The following TBC1D22A variants were observed in gnomAD, a reference collection of about 807,000 sequenced individuals.
TBC1D22A encodes the protein TBC1 domain family member 22A.
In TBC1D22A, 38 loss-of-function variants were observed where a neutral mutation model predicts 60.2. That is an observed-to-expected ratio of 0.63 (90% CI 0.49 to 0.83). TBC1D22A has a LOEUF of 0.83. TBC1D22A is among the 40% of genes least tolerant of loss of function. TBC1D22A has a pLI of 0.00. For missense variants in TBC1D22A, 628 were observed against 701.0 expected (o/e 0.90, Z 1.18); for synonymous variants, 302 against 281.7 (o/e 1.07, Z -0.72).
intron 8 of TBC1D22A, among the ~76,000 whole-genome samples, chr22:46,932,767 C>G (rs1433799613): frequency 3.6e-5 from 5 of 139,478 alleles, no homozygotes; most frequent in Non-Finnish European, 7.5e-5. Flanking sequence ...CCCTGTTGCC[C>G]AGGCTGAAGT....
rs142985876 is a variant in TBC1D22A at position 46,855,087 on chromosome 22, C to A, written c.638-23566C>A. Among the ~76,000 whole-genome samples the A allele has an allele frequency of 1.5e-3, 230 of 152,300 alleles. 1 individual carries two copies. Among genetic ancestry groups the A allele is most frequent in the Middle Eastern group, 0.01 (3 of 294 alleles). ...CTATGGGCCCAGTGCTACCAGGAAG[C>A]CTCCTCCACCTGTGCTACCCAAAGC... On this transcript the variant is annotated intron_variant, in intron 4 of 12. Coordinates refer to ENST00000337137, the MANE Select transcript of TBC1D22A (RefSeq NM_014346.5).
At chr22:46,839,474 C>A (rs1158760163) in intron 4 of TBC1D22A, among the ~76,000 whole-genome samples, 1 of 152,042 alleles carries the variant, frequency 6.6e-6, no homozygotes. Context: ...AAATATATCC[C>A]ATGTGTATGA....
Position 47,009,890 on chromosome 22 carries a change from G to C in TBC1D22A, c.1201+12181G>C, listed in dbSNP as rs114576336. Among the ~76,000 whole-genome samples the C allele has an allele frequency of 4.3e-3, 648 of 152,358 alleles. 9 individuals carry two copies. Among genetic ancestry groups the C allele is most frequent in the African/African-American group, 0.014 (602 of 41,584 alleles). ...GCCTGCTCCTGAGGCAGCCTCTTCT[G>C]TCCAGCCCCCAGGGAGGTTGGTTGG... On this transcript the variant is annotated intron_variant, in intron 10 of 12. Coordinates refer to ENST00000337137, the MANE Select transcript of TBC1D22A (RefSeq NM_014346.5). This position sits in a 1 kb window ranked among gnomAD's most constrained non-coding sequence, Gnocchi z 5.8.
At chr22:46,805,246 C>T (rs1323315373) in intron 4 of TBC1D22A, among the ~76,000 whole-genome samples, 1 of 152,226 alleles carries the variant, frequency 6.6e-6, no homozygotes, top group Non-Finnish European at 1.5e-5. Flanking sequence ...AGCGGTCAGT[C>T]TCCTTCTCTC....
intron 4 of TBC1D22A, among the ~76,000 whole-genome samples, chr22:46,854,150 C>T (rs572455215): frequency 2.0e-5 from 3 of 152,154 alleles, no homozygotes; most frequent in Non-Finnish European, 4.4e-5. Flanking sequence ...GCCCAGTGTC[C>T]GTGTCTTCCG....
At chr22:46,773,268 C>T (rs1224678015) in intron 1 of TBC1D22A, among the ~76,000 whole-genome samples, 1 of 152,222 alleles carries the variant, frequency 6.6e-6, no homozygotes, top group African/African-American at 2.4e-5. Context: ...TGGGGAATGT[C>T]ACCGTGCTTG....
In TBC1D22A at chr22:47,028,436, A is replaced by G. The variant is rs1460506155; in HGVS notation, c.1202-8635A>G. Reference sequence around the variant, plus strand: ...CCAGGTTCTGAGAGCGAGTGGTCGCATTCCTGTCCCTCGGTCCCTGTCCCC... The same window carrying G: ...CCAGGTTCTGAGAGCGAGTGGTCGCGTTCCTGTCCCTCGGTCCCTGTCCCC... On this transcript the variant is annotated intron_variant, in intron 10 of 12. Transcript: ENST00000337137. This position sits in a 1 kb window ranked among gnomAD's most constrained non-coding sequence, Gnocchi z 4.4. Among the ~76,000 whole-genome samples, 6 of 91,810 alleles carry G rather than the reference A, an allele frequency of 6.5e-5. No homozygotes were observed. Among genetic ancestry groups the G allele is most frequent in the African/African-American group, 2.9e-4 (5 of 17,048 alleles). 60.2% of individuals were successfully genotyped at this position (91,810 alleles called of 152,430 possible). A position where few individuals can be genotyped will look rare whatever the true frequency, so the allele number is the denominator to read the frequency against.
At chr22:46,814,744 T>G (rs914217992) in intron 4 of TBC1D22A, among the ~76,000 whole-genome samples, 4 of 151,982 alleles carry the variant, frequency 2.6e-5, no homozygotes, top group African/African-American at 9.7e-5. Flanking sequence ...CCTCACAGGT[T>G]CAAGCAATTC....
chr22:46,904,125 A>ATCTG, intron 7 of TBC1D22A, among the ~76,000 whole-genome samples: 1 of 89,346 alleles, frequency 1.1e-5, no homozygotes. Context: ...CTATCTATCT[A>ATCTG]TCTATCTATC....
chr22:46,901,633 A>G (rs2069001694), intron 7 of TBC1D22A, among the ~76,000 whole-genome samples: 1 of 152,132 alleles, frequency 6.6e-6, no homozygotes, highest in Non-Finnish European at 1.5e-5. Context: ...TATGTGATAT[A>G]TGGTTGCCTT....
intron 11 of TBC1D22A, among the ~76,000 whole-genome samples, chr22:47,098,648 A>C (rs973597106): frequency 6.6e-6 from 1 of 152,118 alleles, no homozygotes; most frequent in Admixed American, 6.5e-5. Context: ...GGGAAGGGCC[A>C]GGTGAGGCAT....
intron 4 of TBC1D22A, among the ~76,000 whole-genome samples, chr22:46,843,175 C>T (rs965842175): frequency 3.3e-5 from 5 of 152,196 alleles, no homozygotes; most frequent in African/African-American, 1.2e-4. Context: ...TTCTGCTGCT[C>T]GCCTTTAGCT....
At position 47,009,952 on chromosome 22, in the gene TBC1D22A, C is replaced by T. The variant is rs1279576873; in HGVS notation, c.1201+12243C>T. 6.6e-6 allele frequency among the ~76,000 whole-genome samples: 1 copy of T among 152,202 alleles called. No individual in the cohort carries two copies. Among genetic ancestry groups the T allele is most frequent in the South Asian group, 2.1e-4 (1 of 4,830 alleles). The stretch of plus-strand genomic sequence containing the variant: ...CTGGCTGAGTCTGAGTCAGGGGCAC[C>T]GAGGTGACAGTGGCCATTGTTATTA... On this transcript the variant is annotated intron_variant, in intron 10 of 12. Coordinates refer to ENST00000337137, the MANE Select transcript of TBC1D22A (RefSeq NM_014346.5). The surrounding 1 kb of genome is among the most constrained non-coding windows in gnomAD (Gnocchi z 5.8).
intron 6 of TBC1D22A, among the ~76,000 whole-genome samples, chr22:46,893,882 A>G (rs1023433416): frequency 7.9e-5 from 12 of 152,162 alleles, no homozygotes; most frequent in Admixed American, 2.0e-4. Flanking sequence ...CACAATCTTG[A>G]TGTTCACCAG....
At chr22:46,813,023 C>T (rs761067004) in intron 4 of TBC1D22A, among the ~76,000 whole-genome samples, 23 of 152,182 alleles carry the variant, frequency 1.5e-4, no homozygotes, top group Non-Finnish European at 2.1e-4. Context: ...CCCCTTGGTC[C>T]GCTCTTTGTC....
chr22:47,150,562 C>T (rs1217916663), intron 12 of TBC1D22A, among the ~76,000 whole-genome samples: 3 of 152,188 alleles, frequency 2.0e-5, no homozygotes, highest in Non-Finnish European at 2.9e-5. Flanking sequence ...GTACTTCTGC[C>T]GAGCCGCCTC....
intron 8 of TBC1D22A, among the ~76,000 whole-genome samples, chr22:46,964,622 T>G (rs552956400): frequency 6.6e-6 from 1 of 152,386 alleles, no homozygotes; most frequent in Admixed American, 6.5e-5. Flanking sequence ...ATTTTGGTTT[T>G]GATACAGTAG....
intron 12 of TBC1D22A, chr22:47,117,347 C>A: frequency 7.5e-6 from 1 of 134,098 alleles, no homozygotes; most frequent in South Asian, 2.2e-4. Flanking sequence ...ACCGTGGCAT[C>A]GAGCAGGGAG....
intron 3 of TBC1D22A, among the ~76,000 whole-genome samples, chr22:46,794,136 C>T (rs1026393463): frequency 6.6e-6 from 1 of 152,206 alleles, no homozygotes; most frequent in Admixed American, 6.5e-5. Flanking sequence ...AGGCACCAGG[C>T]TGTTGTGGGC....
Sources: gnomAD v4.1 joint callset for allele counts (sites outside exome capture counted in the v4.1 genomes callset) on GRCh38, gnomAD v4.1.1 for gene constraint, Gnocchi (gnomAD v3.1) non-coding constraint, MANE v1.5 for transcripts, NCBI Gene and HGNC (gene_info 2026-07-23, HGNC 2026-07-21) for gene names.